Variants in EXT2 observed in about 807,000 individuals in gnomAD.
The protein encoded by EXT2 is exostosin glycosyltransferase 2.
In EXT2, 53 loss-of-function variants were observed where a neutral mutation model predicts 81.6. That is an observed-to-expected ratio of 0.65 (90% CI 0.52 to 0.82). The LOEUF is 0.82. EXT2 is among the 40% of genes least tolerant of loss of function. The pLI, the probability that EXT2 is intolerant of heterozygous loss-of-function variation, is 0.00. For synonymous variants in EXT2, 320 were observed against 340.0 expected (o/e 0.94, Z 0.65); for missense variants, 774 against 910.2 (o/e 0.85, Z 1.93).
At chr11:44,181,934 A>T (rs1955241615) in intron 8 of EXT2, among the ~76,000 whole-genome samples, 1 of 152,176 alleles carries the variant, frequency 6.6e-6, no homozygotes, top group South Asian at 2.1e-4. Context: ...AATGGGCTCC[A>T]CTTAGGTTAA....
At chr11:44,175,183 C>T (rs1418219731) in intron 8 of EXT2, among the ~76,000 whole-genome samples, 1 of 152,050 alleles carries the variant, frequency 6.6e-6, no homozygotes, top group East Asian at 1.9e-4. Context: ...ATAGAGGACA[C>T]ATTTGAGTGG....
chr11:44,172,583 C>CT (rs35070892), intron 8 of EXT2, among the ~76,000 whole-genome samples: 1,617 of 107,362 alleles, frequency 0.015, 42 homozygotes, highest in African/African-American at 0.049. Context: ...TCTACCTTTT[C>CT]TTTTTTTTTT....
chr11:44,175,608 G>A (rs1955147986), intron 8 of EXT2, among the ~76,000 whole-genome samples: 1 of 152,118 alleles, frequency 6.6e-6, no homozygotes. Flanking sequence ...CCCTTCAGCA[G>A]GAAGTAACTC....
At chr11:44,188,524 TATTG>T (rs763631878) in intron 8 of EXT2, among the ~76,000 whole-genome samples, 3 of 152,198 alleles carry the variant, frequency 2.0e-5, no homozygotes, top group Non-Finnish European at 4.4e-5. Context: ...AGTGGCTTTG[TATTG>T]ATAGGAACCA....
intron 1 of EXT2, chr11:44,104,592 A>C (rs1954028686): frequency 6.6e-6 from 1 of 152,232 alleles, no homozygotes; most frequent in African/African-American, 2.4e-5. Flanking sequence ...TGTTTTAACA[A>C]ACTCTTGTGC....
At chr11:44,180,979 T>C (rs535642066) in intron 8 of EXT2, among the ~76,000 whole-genome samples, 1 of 152,174 alleles carries the variant, frequency 6.6e-6, no homozygotes, top group South Asian at 2.1e-4. Context: ...TGTGTGCCTG[T>C]AACCCCAGCT....
chr11:44,216,685 AC>A (rs1955724021), intron 10 of EXT2, among the ~76,000 whole-genome samples: 1 of 151,962 alleles, frequency 6.6e-6, no homozygotes, highest in East Asian at 1.9e-4. Flanking sequence ...ATTTACAGAG[AC>A]CATTTTAAAG....
chr11:44,133,668 A>G (rs1039816313), intron 7 of EXT2, among the ~76,000 whole-genome samples: 1 of 152,182 alleles, frequency 6.6e-6, no homozygotes, highest in Non-Finnish European at 1.5e-5. Context: ...TCTAGAGACC[A>G]TTTCTTTCAG....
At chr11:44,206,025 G>A (rs903143126) in intron 9 of EXT2, among the ~76,000 whole-genome samples, 2 of 151,914 alleles carry the variant, frequency 1.3e-5, no homozygotes, top group Non-Finnish European at 2.9e-5. Context: ...GGCACGTCAT[G>A]GGTTGGTGTT....
rs534023661 is a variant in EXT2 at position 44,139,795 on chromosome 11, T to C, written c.1173+9657T>C. Among the ~76,000 whole-genome samples the C allele has an allele frequency of 9.2e-5, 14 of 152,336 alleles. No individual in the cohort carries two copies. In the South Asian group the frequency reaches 2.9e-3, roughly 32 times the overall value. ...CTGCCCTTTTCTTTATGGGCTTCTT[T>C]GGCTCTTCTTTATAAAGAGGCCCTG... On this transcript the variant is annotated intron_variant, in intron 7 of 13. Transcript: ENST00000533608.
At chr11:44,201,086 T>C (rs1651965651) in intron 9 of EXT2, among the ~76,000 whole-genome samples, 1 of 152,218 alleles carries the variant, frequency 6.6e-6, no homozygotes, top group African/African-American at 2.4e-5. Flanking sequence ...TTTGTATGAA[T>C]GGAAGGTGAC....
rs558956379 is a variant in EXT2, at chr11:44,184,946, A to C, written c.1306-12883A>C. On this transcript the variant is annotated intron_variant, in intron 8 of 13. Transcript: ENST00000533608. ...TGGTACAGTGCTTGATGTTCAAAACAAAATGTTGCAAAACAATAAGCAAAC... is the reference window on the plus strand; with the variant it reads ...TGGTACAGTGCTTGATGTTCAAAACCAAATGTTGCAAAACAATAAGCAAAC... Among the ~76,000 whole-genome samples, 73 of 152,344 alleles carry C rather than the reference A, an allele frequency of 4.8e-4. 1 individual carries two copies. In the South Asian group the frequency reaches 0.014, roughly 29 times the overall value.
chr11:44,128,016 A>G (rs1335319443), intron 6 of EXT2, among the ~76,000 whole-genome samples: 2 of 152,144 alleles, frequency 1.3e-5, no homozygotes, highest in Non-Finnish European at 2.9e-5. Context: ...ATTCATATCT[A>G]TCTCTCAGTC....
intron 13 of EXT2, among the ~76,000 whole-genome samples, chr11:44,237,191 T>G (rs1955975751): frequency 6.6e-6 from 1 of 152,132 alleles, no homozygotes. Context: ...CTAGTTCAGA[T>G]TTCACAGATC....
intron 9 of EXT2, among the ~76,000 whole-genome samples, chr11:44,204,387 G>T (rs1955557000): frequency 1.3e-5 from 2 of 152,208 alleles, no homozygotes; most frequent in African/African-American, 4.8e-5. Flanking sequence ...GTGTTTGTGT[G>T]TGTGTGTGTG....
In EXT2 at chr11:44,124,773, T is replaced by C. The variant is rs1198618230; in HGVS notation, c.744-16T>C. 2 of 1,613,136 alleles carry C rather than the reference T, an allele frequency of 1.2e-6. No homozygotes were observed. The highest frequency in any genetic ancestry group is 1.3e-5 in the African/African-American group (1 of 74,878). ...CCAGCTGCAATTTTCCAATCACCTG[T>C]TTTTTTCCCTTGTAGTCCACGGCAA... On this transcript the variant is annotated splice_polypyrimidine_tract_variant and intron_variant, in intron 4 of 13. Coordinates refer to ENST00000533608, the MANE Select transcript of EXT2 (RefSeq NM_207122.2).
intron 13 of EXT2, among the ~76,000 whole-genome samples, chr11:44,240,451 G>A (rs1956023744): frequency 6.6e-6 from 1 of 152,162 alleles, no homozygotes; most frequent in South Asian, 2.1e-4. Context: ...AGCTACTTGG[G>A]AAGCTGAGGC....
At chr11:44,144,258 A>G in intron 7 of EXT2, 3 of 1,598,364 alleles carry the variant, frequency 1.9e-6, no homozygotes, top group Non-Finnish European at 1.7e-6. Context: ...TCTTCATGGA[A>G]CCAGCCAGGA....
intron 7 of EXT2, among the ~76,000 whole-genome samples, chr11:44,151,074 A>G (rs562138037): frequency 6.6e-5 from 10 of 152,324 alleles, no homozygotes; most frequent in African/African-American, 2.2e-4. Context: ...TTAAATTAAT[A>G]AACTTTAGAT....
Sources: allele counts gnomAD v4.1 joint callset (sites outside exome capture counted in the v4.1 genomes callset), GRCh38; gene constraint gnomAD v4.1.1; transcripts MANE v1.5; gene names NCBI Gene and HGNC (gene_info 2026-07-23, HGNC 2026-07-21).